The following KLHL18 variants were observed in gnomAD, a reference collection of about 807,000 sequenced individuals.
The protein encoded by KLHL18 is kelch like family member 18, also known as kelch-like protein 18.
Under a neutral mutation model 58.5 loss-of-function variants are expected in KLHL18, and 38 were observed. The ratio of observed to expected loss-of-function variants is 0.65; its 90% confidence interval spans 0.50 to 0.85. KLHL18 has a LOEUF of 0.85. Ranked by LOEUF, KLHL18 falls within the 40% of genes least tolerant of loss-of-function variation. The pLI is 0.00. For missense variants in KLHL18, 624 were observed against 778.4 expected (o/e 0.80, Z 2.36); for synonymous variants, 303 against 301.9 (o/e 1.00, Z -0.04).
chr3:47,319,019 A>C (rs918374603), intron 1 of KLHL18, among the ~76,000 whole-genome samples: 1 of 152,230 alleles, frequency 6.6e-6, no homozygotes, highest in Admixed American at 6.5e-5. Context: ...TATTGAAGGG[A>C]AGAGCCTTTT....
At chr3:47,342,946 AG>A in intron 9 of KLHL18, 116 bp downstream of exon 9, 1 of 755,560 alleles carries the variant, frequency 1.3e-6, no homozygotes, top group South Asian at 1.7e-5. Context: ...AGTATCATCT[AG>A]TGAGGTTTCA....
At chr3:47,341,507 C>T (rs1277396601) in intron 8 of KLHL18, among the ~76,000 whole-genome samples, 1 of 152,158 alleles carries the variant, frequency 6.6e-6, no homozygotes, top group African/African-American at 2.4e-5. Context: ...TCATCTTCCC[C>T]AGGGTTGCAG....
At chr3:47,285,076 G>A (rs988608817) in intron 1 of KLHL18, among the ~76,000 whole-genome samples, 1 of 152,070 alleles carries the variant, frequency 6.6e-6, no homozygotes, top group Non-Finnish European at 1.5e-5. Context: ...GCCTCCCAAA[G>A]TGCTGGGATT....
In KLHL18 at chr3:47,336,543, C is replaced by T; in HGVS notation, c.907C>T (p.Leu303=). Residue 303 remains leucine, a synonymous_variant, in exon 7 of 10, where the codon CTG becomes TTG. Transcript: ENST00000232766. The part of the protein sequence containing the change: ...VGGLNSAGDS[L]NVVEVFDPIA... Reference sequence around the variant, plus strand: ...AGCAAATTTTTATGCAGGTGATTCCCTGAATGTGGTGGAAGTGTTCGACCC... The same window carrying T: ...AGCAAATTTTTATGCAGGTGATTCCTTGAATGTGGTGGAAGTGTTCGACCC... 1 of 1,612,712 alleles carries T rather than the reference C, an allele frequency of 6.2e-7. No individual in the cohort carries two copies. Among genetic ancestry groups the T allele is most frequent in the South Asian group, 1.1e-5 (1 of 91,068 alleles).
At chr3:47,309,960 G>T (rs972785791) in intron 1 of KLHL18, among the ~76,000 whole-genome samples, 1 of 150,290 alleles carries the variant, frequency 6.7e-6, no homozygotes, top group African/African-American at 2.5e-5. Context: ...GCTTCGGCTC[G>T]GCATCAGAGG....
At chr3:47,297,737 T>C (rs185773022) in intron 1 of KLHL18, 181 of 430,400 alleles carry the variant, frequency 4.2e-4, no homozygotes, top group African/African-American at 3.3e-3. Context: ...TTAGATGAAA[T>C]AGGCTTTAGA....
At chr3:47,340,542 C>T (rs377740645) in intron 7 of KLHL18, 30 bp from the exon 8 acceptor site, 1 of 1,613,686 alleles carries the variant, frequency 6.2e-7, no homozygotes, top group Non-Finnish European at 8.5e-7. Flanking sequence ...GGCTGCGGCT[C>T]ATCTGGGATG....
At chr3:47,327,750 A>G (rs936327825) in intron 3 of KLHL18, among the ~76,000 whole-genome samples, 5 of 152,230 alleles carry the variant, frequency 3.3e-5, no homozygotes, top group Non-Finnish European at 4.4e-5. Context: ...TGAAATAACT[A>G]TGTAGAATTT....
chr3:47,322,530 C>T, intron 2 of KLHL18, 38 bp from the exon 3 acceptor site: 2 of 1,543,690 alleles, frequency 1.3e-6, no homozygotes, highest in South Asian at 1.3e-5. Context: ...CAAGACTCGT[C>T]TCTGAAAGCA....
chr3:47,307,620 G>A (rs572683753), intron 1 of KLHL18, among the ~76,000 whole-genome samples: 9 of 151,020 alleles, frequency 6.0e-5, no homozygotes, highest in Non-Finnish European at 1.2e-4. Flanking sequence ...AAACTCCTGG[G>A]CTCAGGCAGT....
chr3:47,337,573 C>G (rs1194686262), intron 7 of KLHL18: 1 of 152,334 alleles, frequency 6.6e-6, no homozygotes, highest in East Asian at 1.9e-4. Context: ...TTACCCAGGA[C>G]AGCTCTGCAC....
At chr3:47,309,885 G>C (rs1227882162) in intron 1 of KLHL18, among the ~76,000 whole-genome samples, 1 of 151,956 alleles carries the variant, frequency 6.6e-6, no homozygotes, top group Non-Finnish European at 1.5e-5. Context: ...CCTGCACTGG[G>C]CAGGCTGAGG....
At chr3:47,323,341 G>C (rs977761979) in intron 3 of KLHL18, among the ~76,000 whole-genome samples, 3 of 152,156 alleles carry the variant, frequency 2.0e-5, no homozygotes, top group African/African-American at 7.2e-5. Context: ...CTCCCAAAGT[G>C]CTTGGATTAC....
At position 47,329,876 on chromosome 3, in the gene KLHL18, C is replaced by T. The variant is rs1051762279; in HGVS notation, c.402-75C>T. The T allele has an allele frequency of 4.5e-6, 6 of 1,332,076 alleles. No individual in the cohort carries two copies. In the African/African-American group the frequency reaches 8.6e-5, roughly 19 times the overall value. The allele number at this position is 1,332,076 out of a possible 1,614,324, so 82.5% of individuals were successfully genotyped here. ...TTTGTTTTCATTCTGTGGCTCTACC[C>T]AGAACCAGCCTGAGAATGATCAAAG... is the stretch of plus-strand genomic sequence containing the variant. On this transcript the variant is annotated intron_variant, in intron 3 of 9. Coordinates refer to ENST00000232766, the MANE Select transcript of KLHL18 (RefSeq NM_025010.5).
intron 7 of KLHL18, among the ~76,000 whole-genome samples, chr3:47,339,773 A>G (rs1189074788): frequency 1.4e-5 from 2 of 141,654 alleles, no homozygotes; most frequent in Non-Finnish European, 3.1e-5. Flanking sequence ...GAGGTGGCAG[A>G]TAGATTGGCT....
At chr3:47,333,106 G>T (rs1220188583) in intron 4 of KLHL18, 51 bp from the exon 5 acceptor site, 1 of 1,581,172 alleles carries the variant, frequency 6.3e-7, no homozygotes, top group South Asian at 1.2e-5. Context: ...GGCCTGGGGT[G>T]TGGCCTCTGG....
At chr3:47,329,115 T>TG (rs1297186229) in intron 3 of KLHL18, among the ~76,000 whole-genome samples, 2 of 147,216 alleles carry the variant, frequency 1.4e-5, no homozygotes, top group African/African-American at 5.0e-5. Context: ...GGGGACAAAG[T>TG]GAGACCCTGT....
intron 3 of KLHL18, among the ~76,000 whole-genome samples, chr3:47,326,149 T>C (rs1189754954): frequency 1.3e-5 from 2 of 152,090 alleles, no homozygotes. Flanking sequence ...GGTTTCACCA[T>C]GTTGGCCAGG....
At chr3:47,292,650 A>T (rs530936838) in intron 1 of KLHL18, among the ~76,000 whole-genome samples, 20 of 152,274 alleles carry the variant, frequency 1.3e-4, no homozygotes, top group African/African-American at 4.8e-4. Flanking sequence ...TGATGCCTAT[A>T]ATCCCAGCAC....
Sources: allele counts gnomAD v4.1 joint callset (sites outside exome capture counted in the v4.1 genomes callset), GRCh38; gene constraint gnomAD v4.1.1; transcripts MANE v1.5; gene names NCBI Gene and HGNC (gene_info 2026-07-23, HGNC 2026-07-21).